The following DOCK10 variants were observed in gnomAD, a reference collection of about 807,000 sequenced individuals.
DOCK10 encodes dedicator of cytokinesis protein 10.
In DOCK10, 145 loss-of-function variants were observed where a neutral mutation model predicts 280.1. The ratio of observed to expected loss-of-function variants is 0.52; its 90% CI spans 0.45 to 0.59. The LOEUF (loss-of-function observed/expected upper bound fraction) is 0.59, where lower values mean the gene tolerates loss of function less well. Among genes scored for constraint, DOCK10 ranks in the 20% least tolerant of loss-of-function variants. The pLI, the probability that DOCK10 is intolerant of heterozygous loss-of-function variation, is 0.00. For synonymous variants in DOCK10, 915 were observed against 942.2 expected, an observed-to-expected ratio of 0.97 and a Z score of 0.53; for missense variants, 2,368 against 2,651.7, an observed-to-expected ratio of 0.89 and a Z score of 2.35.
At chr2:224,862,065 A>G (rs1312298086) in intron 14 of DOCK10, 1 of 152,346 alleles carries the variant, frequency 6.6e-6, no homozygotes, top group Non-Finnish European at 1.5e-5. Flanking sequence ...AAAAGCAATT[A>G]TGGTTCTTCA....
At chr2:225,015,905 T>C (rs772842827) in intron 1 of DOCK10, among the ~76,000 whole-genome samples, 3 of 152,170 alleles carry the variant, frequency 2.0e-5, no homozygotes, top group Non-Finnish European at 4.4e-5. Flanking sequence ...AAATGTCAAC[T>C]AAATAAAATA....
intron 1 of DOCK10, among the ~76,000 whole-genome samples, chr2:224,941,581 C>A (rs924655498): frequency 6.6e-6 from 1 of 152,056 alleles, no homozygotes. Context: ...TGGTAGCTCA[C>A]GTCTGTAATC....
At chr2:224,779,440 T>G (rs1312759919) in intron 50 of DOCK10, among the ~76,000 whole-genome samples, 1 of 152,100 alleles carries the variant, frequency 6.6e-6, no homozygotes, top group African/African-American at 2.4e-5. Context: ...GGTCTCAAAC[T>G]CTTGACCTCA....
At position 224,770,380 on chromosome 2, in the gene DOCK10, C is replaced by A; in HGVS notation, c.6306-31G>T. ...GCGACAGCATTAAACAAATTAAAAA[C>A]CAGCCCTCGGAAGTGGCATTGAGCT... On this transcript the variant is annotated intron_variant, in intron 54 of 55. Coordinates refer to ENST00000258390, the MANE Select transcript of DOCK10 (RefSeq NM_014689.3). The surrounding 1 kb of genome is among the most constrained non-coding windows in gnomAD (Gnocchi z 4.5). 6.4e-7 allele frequency: 1 copy of A among 1,570,042 alleles called. No individual in the cohort carries two copies. The highest frequency in any genetic ancestry group is 1.2e-5 in the South Asian group (1 of 83,694).
At chr2:224,956,729 A>C (rs960008870) in intron 1 of DOCK10, among the ~76,000 whole-genome samples, 4 of 152,106 alleles carry the variant, frequency 2.6e-5, no homozygotes, top group Admixed American at 6.5e-5. Context: ...TGGTTCACCT[A>C]ATAGTTTTCT....
At chr2:224,924,333 C>T (rs1345687995) in intron 2 of DOCK10, among the ~76,000 whole-genome samples, 2 of 152,174 alleles carry the variant, frequency 1.3e-5, no homozygotes, top group South Asian at 2.1e-4. Context: ...AAAAGAAACC[C>T]CATATCCACT....
Position 224,999,643 on chromosome 2 carries a change from T to C in DOCK10, c.123+42609A>G, listed in dbSNP as rs1314341575. On this transcript the variant is annotated intron_variant, in intron 1 of 55. Transcript: ENST00000258390. Reference sequence around the variant, plus strand: ...AAGAGTCCTATCCTCTGGGAGCTTATATTTTGGTGCAAATCTCAAAAATAA... The same window carrying C: ...AAGAGTCCTATCCTCTGGGAGCTTACATTTTGGTGCAAATCTCAAAAATAA... 2.6e-5 allele frequency among the ~76,000 whole-genome samples: 4 copies of C among 151,984 alleles called. No individual in the cohort carries two copies. In the East Asian group the frequency reaches 5.8e-4, roughly 22 times the overall value.
At chr2:225,035,450 A>T (rs1465633774) in intron 1 of DOCK10, among the ~76,000 whole-genome samples, 1 of 146,350 alleles carries the variant, frequency 6.8e-6, no homozygotes, top group Non-Finnish European at 1.5e-5. Flanking sequence ...TAATTCTAGC[A>T]GTTGGATTTT....
At chr2:225,017,247 C>T (rs1411073682) in intron 1 of DOCK10, among the ~76,000 whole-genome samples, 1 of 151,968 alleles carries the variant, frequency 6.6e-6, no homozygotes, top group Admixed American at 6.6e-5. Context: ...TATGTATTAC[C>T]AGCGTAAGTC....
intron 2 of DOCK10, among the ~76,000 whole-genome samples, chr2:224,924,536 T>C (rs1315519662): frequency 6.6e-6 from 1 of 152,222 alleles, no homozygotes; most frequent in Non-Finnish European, 1.5e-5. Context: ...TTTCATTCCT[T>C]TTTATGGCTG....
At chr2:225,040,478 A>G (rs1690388551) in intron 1 of DOCK10, among the ~76,000 whole-genome samples, 1 of 151,120 alleles carries the variant, frequency 6.6e-6, no homozygotes, top group Non-Finnish European at 1.5e-5. Flanking sequence ...ATACCCTAGG[A>G]TTTCAAATCT....
chr2:224,809,989 C>CAAAAAAAAAAAAAAA (rs376029378), intron 31 of DOCK10, among the ~76,000 whole-genome samples: 1 of 115,372 alleles, frequency 8.7e-6, no homozygotes, highest in Admixed American at 9.5e-5. Context: ...TATTCAGCCT[C>CAAAAAAAAAAAAAAA]AAAAAAAAAA....
At chr2:225,023,128 C>T (rs1689826945) in intron 1 of DOCK10, among the ~76,000 whole-genome samples, 1 of 152,046 alleles carries the variant, frequency 6.6e-6, no homozygotes, top group Non-Finnish European at 1.5e-5. Flanking sequence ...CTCTGCCTCC[C>T]AGGTTCAAGC....
chr2:224,864,710 G>A (rs751265680), intron 12 of DOCK10, 35 bp from the exon 13 acceptor site: 1 of 1,592,322 alleles, frequency 6.3e-7, no homozygotes, highest in Non-Finnish European at 8.5e-7. Flanking sequence ...AAGCATGGAA[G>A]AAACCACATT....
intron 1 of DOCK10, among the ~76,000 whole-genome samples, chr2:224,935,415 C>A (rs761919606): frequency 2.1e-4 from 32 of 152,172 alleles, no homozygotes; most frequent in Non-Finnish European, 4.0e-4. Flanking sequence ...AGCTAGACTA[C>A]CCAGCCTTAT....
At chr2:224,828,358 T>C (rs1264895405) in intron 27 of DOCK10, among the ~76,000 whole-genome samples, 1 of 152,170 alleles carries the variant, frequency 6.6e-6, no homozygotes, top group African/African-American at 2.4e-5. Context: ...GATGAGCAAC[T>C]CACTGCTAGG....
intron 1 of DOCK10, among the ~76,000 whole-genome samples, chr2:224,936,314 G>A (rs191892678): frequency 2.8e-4 from 43 of 152,224 alleles, no homozygotes; most frequent in Admixed American, 1.6e-3. Context: ...TGGAGTTCAT[G>A]ATCAAGATGG....
Position 224,874,457 on chromosome 2 carries a change from T to C in DOCK10, c.1018-108A>G. ...CCTTAGTATTATCACCATTTTAGTATTACCCATTAACACTTGGCAAATCTT... is the reference window on the plus strand; with the variant it reads ...CCTTAGTATTATCACCATTTTAGTACTACCCATTAACACTTGGCAAATCTT... On this transcript the variant is annotated intron_variant, in intron 9 of 55. Transcript: ENST00000258390. 4 of 965,656 alleles carry C rather than the reference T, an allele frequency of 4.1e-6. No individual in the cohort carries two copies. In the South Asian group the frequency reaches 6.2e-5, roughly 15 times the overall value. The allele number at this position is 965,656 out of a possible 1,614,324, so 59.8% of individuals were successfully genotyped here.
intron 1 of DOCK10, among the ~76,000 whole-genome samples, chr2:225,009,307 T>C (rs1278888334): frequency 6.6e-6 from 1 of 152,054 alleles, no homozygotes; most frequent in African/African-American, 2.4e-5. Context: ...ATCAAAATAT[T>C]AAAAAATAGG....
Sources: allele counts gnomAD v4.1 joint callset (sites outside exome capture counted in the v4.1 genomes callset), GRCh38; gene constraint gnomAD v4.1.1; non-coding constraint Gnocchi (gnomAD v3.1); transcripts MANE v1.5; gene names NCBI Gene and HGNC (gene_info 2026-07-23, HGNC 2026-07-21).